Variants in PLEKHN1 observed in about 807,000 individuals in gnomAD.
The protein encoded by PLEKHN1 is pleckstrin homology domain containing N1.
PLEKHN1 carries 68 observed loss-of-function variants against 72.8 expected under a neutral mutation model. The ratio of observed to expected loss-of-function variants is 0.93; its 90% CI spans 0.77 to 1.14. The LOEUF is 1.14. Among genes scored for constraint, PLEKHN1 ranks in the 50% most tolerant of loss-of-function variants. The pLI is 0.00. For missense variants in PLEKHN1, 1,015 were observed against 840.5 expected (o/e 1.21, Z -2.57); for synonymous variants, 454 against 371.6 (o/e 1.22, Z -2.55).
rs1042648589 is a variant in PLEKHN1 at position 974,682 on chromosome 1, G to A, written c.*107G>A. 4 of 1,394,392 alleles carry A rather than the reference G, an allele frequency of 2.9e-6. No individual in the cohort carries two copies. The Admixed American group carries it at 7.4e-5, about 26-fold the overall frequency. 86.4% of individuals were successfully genotyped at this position (1,394,392 alleles called of 1,614,324 possible). On this transcript the variant is annotated 3_prime_UTR_variant, in exon 16 of 16. Transcript: ENST00000379410. ...GTCAGGGTCTGAACCCAGTGTGATG[G>A]GGGGAGTCTCTGGGGCCCTGAGTTC...
chr1:971,303 A>G, intron 7 of PLEKHN1, 21 bp from the exon 8 acceptor site: 1 of 1,495,472 alleles, frequency 6.7e-7, no homozygotes, highest in Non-Finnish European at 9.1e-7. Context: ...TCATCGCCTG[A>G]CCCCACCCCC....
rs746383489 is a variant in PLEKHN1, at chr1:973,826, C to T, written c.1435-7C>T. 6.2e-7 allele frequency: 1 copy of T among 1,607,290 alleles called. No homozygotes were observed. Among genetic ancestry groups the T allele is most frequent in the Non-Finnish European group, 8.5e-7 (1 of 1,178,384 alleles). ...CACCCAGGCCCCAGCCCTGGCTCTC[C>T]CTGCAGTTCCTCAGTGCCATGCAGA... is the stretch of plus-strand genomic sequence containing the variant. On this transcript the variant is annotated splice_polypyrimidine_tract_variant and splice_region_variant and intron_variant, in intron 13 of 15. Coordinates refer to ENST00000379410, the MANE Select transcript of PLEKHN1 (RefSeq NM_032129.3).
At position 974,610 on chromosome 1, in the gene PLEKHN1, C is replaced by T. The variant is rs543878722; in HGVS notation, c.*35C>T. The T allele has an allele frequency of 1.1e-4, 172 of 1,583,572 alleles. No individual in the cohort carries two copies. Among genetic ancestry groups the T allele is most frequent in the South Asian group, 3.7e-4 (33 of 88,330 alleles). ...TGAGGTGGGTTCTCAGGACCACCCTCGCCAAGCTCCAGGGTACCTGCCCCT... is the reference window on the plus strand; with the variant it reads ...TGAGGTGGGTTCTCAGGACCACCCTTGCCAAGCTCCAGGGTACCTGCCCCT... On this transcript the variant is annotated 3_prime_UTR_variant, in exon 16 of 16. Coordinates refer to ENST00000379410, the MANE Select transcript of PLEKHN1 (RefSeq NM_032129.3).
At position 970,385 on chromosome 1, in the gene PLEKHN1, C is replaced by T. The variant is rs777973594; in HGVS notation, c.292C>T (p.His98Tyr). 3.1e-6 allele frequency: 5 copies of T among 1,613,512 alleles called. No individual in the cohort carries two copies. In the South Asian group the frequency reaches 4.4e-5, roughly 14 times the overall value. ...VPVRNLGKVVHYAKVQLRFQH... is the reference protein window; with the variant it reads ...VPVRNLGKVVYYAKVQLRFQH... The stretch of plus-strand genomic sequence containing the variant: ...TGTGAGGAACCTGGGAAAAGTTGTG[C>T]ATTACGCCAAGGTCCAGCTGCGGTT... The change falls in exon 3 of 16, where the codon CAT becomes TAT. Residue 98 changes from histidine (H) to tyrosine (Y), a missense_variant. His to Tyr is a moderately conservative substitution (Grantham distance 83). Transcript: ENST00000379410. The surrounding 1 kb of genome is among the most constrained non-coding windows in gnomAD (Gnocchi z 4.2).
At chr1:973,120 A>C (rs1643424997) in intron 11 of PLEKHN1, 66 bp from the exon 12 acceptor site, 1 of 1,497,112 alleles carries the variant, frequency 6.7e-7, no homozygotes. Flanking sequence ...AGCCCCTTGC[A>C]GCCTCAGAGA....
rs1180400410 is a variant in PLEKHN1, at chr1:973,256, G to C, written c.1223G>C (p.Arg408Pro). 3 of 1,543,180 alleles carry C rather than the reference G, an allele frequency of 1.9e-6. No individual in the cohort carries two copies. The highest frequency in any genetic ancestry group is 2.5e-5 in the East Asian group (1 of 40,638). Residue 408 changes from arginine (R) to proline (P), a missense_variant, in exon 12 of 16, where the codon CGG (arginine) becomes CCG (proline). Physicochemically the swap from Arg to Pro is moderately radical, Grantham distance 103. Transcript: ENST00000379410. ...RTELRRSGSS[R>P]SPGSKARAEG... ...GAGCTGAGACGCAGTGGCAGCAGCC[G>C]GTCACCCGGGAGCAAGGCCCGGGCA...
At position 966,739 on chromosome 1, in the gene PLEKHN1, G is replaced by A; in HGVS notation, c.119G>A (p.Gly40Asp). ...GCGCGGATGTCGGCCGGCCTGCCGG[G>A]CCCCGAGGCTGCTCGAAGCGGGGAC... The part of the protein sequence containing the change: ...DSARMSAGLP[G>D]PEAARSGDAA... Residue 40 changes from glycine (G) to aspartate (D), a missense_variant, in exon 2 of 16, where the codon GGC (glycine) becomes GAC (aspartate). Gly to Asp is a moderately conservative substitution (Grantham distance 94). Coordinates refer to ENST00000379410, the MANE Select transcript of PLEKHN1 (RefSeq NM_032129.3). 1 of 1,575,336 alleles carries A rather than the reference G, an allele frequency of 6.3e-7. No individual in the cohort carries two copies. Among genetic ancestry groups the A allele is most frequent in the South Asian group, 1.2e-5 (1 of 86,872 alleles).
intron 13 of PLEKHN1, 55 bp from the exon 14 acceptor site, chr1:973,778 A>C: frequency 6.3e-7 from 1 of 1,579,344 alleles, no homozygotes; most frequent in Non-Finnish European, 8.6e-7. Flanking sequence ...TGGGAGGTTG[A>C]GGTTCTGGGG....
rs576954877 is a variant in PLEKHN1, at chr1:972,404, G to A, written c.982G>A (p.Glu328Lys). The change falls in exon 10 of 16, where the codon GAG becomes AAG. Residue 328 changes from glutamate to lysine, a missense_variant. Glu to Lys is a moderately conservative substitution (Grantham distance 56). Transcript: ENST00000379410. ...REGAPPLPGA[E>K]SFPGSQVMGS... ...GGGGGCCCCGCCGCTGCCTGGTGCCGAGAGCTTCCCAGGGTCGCAGGTGAG... is the reference window on the plus strand; with the variant it reads ...GGGGGCCCCGCCGCTGCCTGGTGCCAAGAGCTTCCCAGGGTCGCAGGTGAG... 31 of 1,583,158 alleles carry A rather than the reference G, an allele frequency of 2.0e-5. No homozygotes were observed. The highest frequency in any genetic ancestry group is 1.6e-4 in the African/African-American group (12 of 74,604).
rs41285812 is a variant in PLEKHN1 at position 970,742 on chromosome 1, C to T, written c.468C>T (p.His156=). ...GCCCGCTCGAGGGGTCCCGAGAGCA[C>T]GCCTTCCAGATCACAGGTGTTTGGG... is the stretch of plus-strand genomic sequence containing the variant. The part of the protein sequence containing the change: ...SVCPLEGSRE[H]AFQITGPLPA... Residue 156 remains histidine, a synonymous_variant, in exon 5 of 16, where the codon CAC becomes CAT. Transcript: ENST00000379410. The surrounding 1 kb of genome is among the most constrained non-coding windows in gnomAD (Gnocchi z 4.2). 7.7e-3 allele frequency: 12,410 copies of T among 1,609,714 alleles called. 70 individuals carry two copies. The highest frequency in any genetic ancestry group is 9.8e-3 in the Non-Finnish European group (11,557 of 1,177,858).
rs182732745 is a variant in PLEKHN1 at position 972,503 on chromosome 1, C to T, written c.1002+79C>T. 1,239 of 1,433,772 alleles carry T rather than the reference C, an allele frequency of 8.6e-4. 6 individuals carry two copies. In the African/African-American group the frequency reaches 0.015, roughly 18 times the overall value. The allele number at this position is 1,433,772 out of a possible 1,614,324, so 88.8% of individuals were successfully genotyped here. On this transcript the variant is annotated intron_variant, in intron 10 of 15. Coordinates refer to ENST00000379410, the MANE Select transcript of PLEKHN1 (RefSeq NM_032129.3). ...GCAGCAGACCGGGCGTGGTGGCGCA[C>T]GCCTGTAATCCCAGCATTTTAGGAG...
chr1:971,927 A>C (rs1228470633), intron 8 of PLEKHN1, 148 bp from the exon 9 acceptor site: 1 of 726,228 alleles, frequency 1.4e-6, no homozygotes, highest in Non-Finnish European at 2.3e-6. Context: ...GAGACATGGG[A>C]CCCACTGGCC....
Position 973,710 on chromosome 1 carries a change from G to C in PLEKHN1, c.1434+70G>C, listed in dbSNP as rs890025939. ...GCCTGAGGCTGGGGAGGTCTAGACCGTGCGTCTCACCCTGGGGTCTGGGGC... is the reference window on the plus strand; with the variant it reads ...GCCTGAGGCTGGGGAGGTCTAGACCCTGCGTCTCACCCTGGGGTCTGGGGC... On this transcript the variant is annotated intron_variant, in intron 13 of 15. Transcript: ENST00000379410. 32 of 1,580,418 alleles carry C rather than the reference G, an allele frequency of 2.0e-5. No homozygotes were observed. In the African/African-American group the frequency reaches 4.2e-4, roughly 21 times the overall value.
At chr1:971,239 G>A (rs779708779) in intron 7 of PLEKHN1, 31 bp downstream of exon 7, 4 of 1,560,704 alleles carry the variant, frequency 2.6e-6, no homozygotes, top group African/African-American at 2.7e-5. Flanking sequence ...GCTGTAGGGG[G>A]ATGGGAGGGG....
rs1327830128 is a variant in PLEKHN1 at position 974,044 on chromosome 1, C to T, written c.1646C>T (p.Pro549Leu). Residue 549 changes from proline (P) to leucine (L), a missense_variant, in exon 14 of 16, where the codon CCT becomes CTT. Pro to Leu is a moderately conservative substitution (Grantham distance 98, BLOSUM62 -3). Transcript: ENST00000379410. ...KDGGPQPPDAPQLVSSAREGS... is the reference protein window; with the variant it reads ...KDGGPQPPDALQLVSSAREGS... ...GGGGGGCCGCAGCCCCCAGACGCCC[C>T]TCAGCTTGTGAGTAGCAGCCCCCAC... 1 of 1,583,426 alleles carries T rather than the reference C, an allele frequency of 6.3e-7. No individual in the cohort carries two copies. The highest frequency in any genetic ancestry group is 1.8e-5 in the Admixed American group (1 of 56,452).
chr1:970,604 G>T lies in PLEKHN1; in HGVS notation c.411+3G>T. 6.2e-7 allele frequency: 1 copy of T among 1,612,036 alleles called. No individual in the cohort carries two copies. The highest frequency in any genetic ancestry group is 8.5e-7 in the Non-Finnish European group (1 of 1,179,498). ...GCTCGGAAGGACTCACATTTCAGGTGAGGCGGTGGGCAATGGGGTGGGGCC... is the reference window on the plus strand; with the variant it reads ...GCTCGGAAGGACTCACATTTCAGGTTAGGCGGTGGGCAATGGGGTGGGGCC... On this transcript the variant is annotated splice_donor_region_variant and intron_variant, in intron 4 of 15. Transcript: ENST00000379410. This position sits in a 1 kb window ranked among gnomAD's most constrained non-coding sequence, Gnocchi z 4.2.
intron 10 of PLEKHN1, 96 bp downstream of exon 10, chr1:972,520 T>C (rs1643392859): frequency 2.2e-6 from 3 of 1,385,996 alleles, no homozygotes; most frequent in Non-Finnish European, 2.9e-6. Context: ...AATCCCAGCA[T>C]TTTAGGAGGC....
Position 970,203 on chromosome 1 carries a change from T to G in PLEKHN1, c.184-74T>G. ...ACAGGCAGACCATGCTATAGTCCTG[T>G]AGCTGTGTGGATGCGAGCGGAGGGG... is the stretch of plus-strand genomic sequence containing the variant. On this transcript the variant is annotated intron_variant, in intron 2 of 15. Coordinates refer to ENST00000379410, the MANE Select transcript of PLEKHN1 (RefSeq NM_032129.3). The surrounding 1 kb of genome is among the most constrained non-coding windows in gnomAD (Gnocchi z 4.2). The G allele has an allele frequency of 6.6e-7, 1 of 1,521,988 alleles. No individual in the cohort carries two copies. The highest frequency in any genetic ancestry group is 2.3e-5 in the East Asian group (1 of 43,946). 94.3% of individuals were successfully genotyped at this position (1,521,988 alleles called of 1,614,324 possible).
rs1283857070 is a variant in PLEKHN1, at chr1:972,987, G to A, written c.1129G>A (p.Gly377Ser). Residue 377 changes from glycine (G) to serine (S), a missense_variant, in exon 11 of 16, where the codon GGC becomes AGC. Gly to Ser is a moderately conservative substitution (Grantham distance 56, BLOSUM62 0). Transcript: ENST00000379410. ...TGAGTCCTCAGTGCCATCCACCGTG[G>A]GCTGCTCCTCCCAGCACACACCGGT... is the stretch of plus-strand genomic sequence containing the variant. ...LPESSVPSTV[G>S]CSSQHTPDQA... The A allele has an allele frequency of 1.9e-6, 3 of 1,596,416 alleles. No homozygotes were observed. Among genetic ancestry groups the A allele is most frequent in the Non-Finnish European group, 1.7e-6 (2 of 1,171,414 alleles).
Sources: gnomAD v4.1 joint callset for allele counts on GRCh38, gnomAD v4.1.1 for gene constraint, Gnocchi (gnomAD v3.1) non-coding constraint, MANE v1.5 for transcripts, NCBI Gene and HGNC (gene_info 2026-07-23, HGNC 2026-07-21) for gene names.